Variants in KIF22 observed in about 807,000 individuals in gnomAD.
The protein encoded by KIF22 is kinesin-like protein KIF22.
KIF22 carries 62 observed loss-of-function variants against 73.0 expected under a neutral mutation model. That is an observed-to-expected ratio of 0.85 (90% CI 0.69 to 1.05). The LOEUF (loss-of-function observed/expected upper bound fraction) is 1.05, where lower values mean the gene tolerates loss of function less well. Ranked by LOEUF, KIF22 falls within the 50% of genes least tolerant of loss-of-function variation. The probability of loss-of-function intolerance (pLI) is 0.00; values close to 1 mark genes in which losing one functional copy is unlikely to be tolerated. For synonymous variants in KIF22, 411 were observed against 340.1 expected (o/e 1.21, Z -2.29); for missense variants, 854 against 870.1 (o/e 0.98, Z 0.23).
At chr16:29,790,943 C>T in intron 1 of KIF22, 114 bp downstream of exon 1, 8 of 1,513,894 alleles carry the variant, frequency 5.3e-6, no homozygotes, top group Non-Finnish European at 7.1e-6. Context: ...GGCCATGGCG[C>T]AGGGGCGGGG....
At chr16:29,795,795 A>G (rs1898934811) in intron 1 of KIF22, among the ~76,000 whole-genome samples, 1 of 152,202 alleles carries the variant, frequency 6.6e-6, no homozygotes, top group Non-Finnish European at 1.5e-5. Flanking sequence ...AAACAAAAAA[A>G]ACTTAATCAT....
At chr16:29,804,587 G>T (rs1307886272) in intron 11 of KIF22, 3 of 691,916 alleles carry the variant, frequency 4.3e-6, no homozygotes, top group Non-Finnish European at 7.9e-6. Context: ...AACTCCATGA[G>T]AAGGGTGCTA....
In KIF22 at chr16:29,797,753, G is replaced by A. The variant is rs1898987609; in HGVS notation, c.267-621G>A. Among the ~76,000 whole-genome samples, 1 of 152,112 alleles carries A rather than the reference G, an allele frequency of 6.6e-6. No homozygotes were observed. Among genetic ancestry groups the A allele is most frequent in the Non-Finnish European group, 1.5e-5 (1 of 68,036 alleles). On this transcript the variant is annotated intron_variant, in intron 2 of 13. Coordinates refer to ENST00000160827, the MANE Select transcript of KIF22 (RefSeq NM_007317.3). This position sits in a 1 kb window ranked among gnomAD's most constrained non-coding sequence, Gnocchi z 4.1. ...AGTTTGCTAGCTCCCATACTAGGCC[G>A]TTAACAATTTGGGCTTCAGTTTCTT...
In KIF22 at chr16:29,804,944, A is replaced by T; in HGVS notation, c.1808A>T (p.Asp603Val). 6.2e-7 allele frequency: 1 copy of T among 1,613,538 alleles called. No homozygotes were observed. Among genetic ancestry groups the T allele is most frequent in the Non-Finnish European group, 8.5e-7 (1 of 1,179,950 alleles). Residue 603 changes from aspartate (D) to valine (V), a missense_variant, in exon 12 of 14, where the codon GAT becomes GTT. This residue lies in a region of KIF22 where 423 missense variants were observed against 365.4 expected (regional missense o/e 1.16). Coordinates refer to ENST00000160827, the MANE Select transcript of KIF22 (RefSeq NM_007317.3). ...CTGCTGAACGAAGGCTCAGCCCGAGATCTCCGCAGTCTTCAGCGCATTGGC... is the reference window on the plus strand; with the variant it reads ...CTGCTGAACGAAGGCTCAGCCCGAGTTCTCCGCAGTCTTCAGCGCATTGGC... The part of the protein sequence containing the change: ...LDLLNEGSAR[D>V]LRSLQRIGPK...
chr16:29,800,027 C>T lies in KIF22; in HGVS notation c.1259C>T (p.Ala420Val), dbSNP rs1435911507. ...IGSPEPMAAP[A>V]SASQKLSPLQ... ...AGCCCTGAGCCCATGGCAGCTCCAG[C>T]CTCTGCCTCCCAGAAACTCAGGTGA... The change falls in exon 8 of 14, where the codon GCC becomes GTC. Residue 420 changes from alanine to valine, a missense_variant. By Grantham distance (64) the Ala-to-Val change is moderately conservative. This residue lies in a region of KIF22 where 423 missense variants were observed against 365.4 expected (regional missense o/e 1.16). Coordinates refer to ENST00000160827, the MANE Select transcript of KIF22 (RefSeq NM_007317.3). The T allele has an allele frequency of 6.2e-7, 1 of 1,612,556 alleles. No individual in the cohort carries two copies. Among genetic ancestry groups the T allele is most frequent in the East Asian group, 2.2e-5 (1 of 44,888 alleles).
rs766356873 is a variant in KIF22, at chr16:29,798,685, G to A, written c.487G>A (p.Ala163Thr). 8.7e-6 allele frequency: 14 copies of A among 1,614,070 alleles called. No individual in the cohort carries two copies. In the Admixed American group the frequency reaches 2.2e-4, roughly 25 times the overall value. The change falls in exon 4 of 14, where the codon GCC (alanine) becomes ACC (threonine). Residue 163 changes from alanine to threonine, a missense_variant. Coordinates refer to ENST00000160827, the MANE Select transcript of KIF22 (RefSeq NM_007317.3). The surrounding 1 kb of genome is among the most constrained non-coding windows in gnomAD (Gnocchi z 4.1). ...DLLQLTREEG[A>T]EGRPWALSVT... The stretch of plus-strand genomic sequence containing the variant: ...CCTGCAGCTCACAAGGGAGGAGGGT[G>A]CCGAGGGCCGGCCATGGGCCCTTTC...
In KIF22 at chr16:29,804,849, G is replaced by C. The variant is rs371212098; in HGVS notation, c.1713G>C (p.Lys571Asn). Reference protein sequence around the residue: ...ESLDALEPEEKAEDCWELQIS... With the variant: ...ESLDALEPEENAEDCWELQIS... ...TGGATGCCCTAGAGCCTGAGGAGAA[G>C]GCTGAGGACTGCTGGGAGCTACAGA... is the stretch of plus-strand genomic sequence containing the variant. Residue 571 changes from lysine (K) to asparagine (N), a missense_variant, in exon 12 of 14, where the codon AAG becomes AAC. By Grantham distance (94) the Lys-to-Asn change is moderately conservative. This residue lies in a region of KIF22 where 423 missense variants were observed against 365.4 expected (regional missense o/e 1.16). Coordinates refer to ENST00000160827, the MANE Select transcript of KIF22 (RefSeq NM_007317.3). 1.5e-4 allele frequency: 238 copies of C among 1,613,130 alleles called. No homozygotes were observed. Among genetic ancestry groups the C allele is most frequent in the Non-Finnish European group, 1.9e-4 (229 of 1,179,742 alleles).
rs995476248 is a variant in KIF22 at position 29,792,457 on chromosome 16, T to C, written c.70+1628T>C. 6.2e-6 allele frequency: 6 copies of C among 967,952 alleles called. No individual in the cohort carries two copies. The Admixed American group carries it at 3.1e-4, about 50-fold the overall frequency. The allele number at this position is 967,952 out of a possible 1,614,324, so 60.0% of individuals were successfully genotyped here. A position where few individuals can be genotyped will look rare whatever the true frequency, so the allele number is the denominator to read the frequency against. The stretch of plus-strand genomic sequence containing the variant: ...AGTAGTTTATTCACTAAATCTTAAT[T>C]TTTTTCAGCAAATACTTCTTGAGGG... On this transcript the variant is annotated intron_variant, in intron 1 of 13. Transcript: ENST00000160827.
In KIF22 at chr16:29,804,908, A is replaced by G. The variant is rs774952785; in HGVS notation, c.1772A>G (p.Lys591Arg). 6.8e-6 allele frequency: 11 copies of G among 1,613,812 alleles called. No homozygotes were observed. The South Asian group carries it at 1.2e-4, about 18-fold the overall frequency. The change falls in exon 12 of 14, where the codon AAA becomes AGA. Residue 591 changes from lysine to arginine, a missense_variant. Around this residue, in one of 3 missense-constraint regions of KIF22, gnomAD observed 423 missense variants for 365.4 expected, o/e 1.16. Transcript: ENST00000160827. ...SPELLAHGRQ[K>R]ILDLLNEGSA... ...GAGCTACTGGCTCATGGGCGCCAAAAAATACTGGATCTGCTGAACGAAGGC... is the reference window on the plus strand; with the variant it reads ...GAGCTACTGGCTCATGGGCGCCAAAGAATACTGGATCTGCTGAACGAAGGC...
At chr16:29,804,153 T>A in intron 11 of KIF22, 88 bp downstream of exon 11, 1 of 1,060,752 alleles carries the variant, frequency 9.4e-7, no homozygotes, top group Non-Finnish European at 1.5e-6. Flanking sequence ...GCCTTGGGGT[T>A]AAACGAACTG....
chr16:29,804,116 G>GT, intron 11 of KIF22, 51 bp downstream of exon 11: 1 of 1,460,720 alleles, frequency 6.8e-7, no homozygotes, highest in Admixed American at 1.7e-5. Context: ...AAGTAAGGGG[G>GT]AGTAGGCTCT....
intron 8 of KIF22, among the ~76,000 whole-genome samples, chr16:29,802,539 T>C (rs1196063553): frequency 6.6e-6 from 1 of 151,728 alleles, no homozygotes; most frequent in Non-Finnish European, 1.5e-5. Context: ...GGCAGTGTCT[T>C]AGGTCTCTCA....
rs371843824 is a variant in KIF22 at position 29,798,678 on chromosome 16, G to A, written c.480G>A (p.Glu160=). 9.9e-6 allele frequency: 16 copies of A among 1,614,196 alleles called. No individual in the cohort carries two copies. In the African/African-American group the frequency reaches 2.1e-4, roughly 22 times the overall value. ...TGGACCTCCTGCAGCTCACAAGGGA[G>A]GAGGGTGCCGAGGGCCGGCCATGGG... ...ALMDLLQLTR[E]EGAEGRPWAL... The change falls in exon 4 of 14, where the codon GAG becomes GAA. Residue 160 remains glutamate, a synonymous_variant. Coordinates refer to ENST00000160827, the MANE Select transcript of KIF22 (RefSeq NM_007317.3). This position sits in a 1 kb window ranked among gnomAD's most constrained non-coding sequence, Gnocchi z 4.1.
chr16:29,799,720 T>C lies in KIF22; in HGVS notation c.1083T>C (p.Phe361=). 6.2e-7 allele frequency: 1 copy of C among 1,613,542 alleles called. No individual in the cohort carries two copies. Among genetic ancestry groups the C allele is most frequent in the East Asian group, 2.2e-5 (1 of 44,884 alleles). Residue 361 remains phenylalanine (F), a synonymous_variant, in exon 7 of 14, where the codon TTT becomes TTC. Coordinates refer to ENST00000160827, the MANE Select transcript of KIF22 (RefSeq NM_007317.3). The stretch of plus-strand genomic sequence containing the variant: ...TAGACACAGTCTCCGCACTCAACTT[T>C]GCTGCCAGGTCCAAGGAGGTGATCA... The part of the protein sequence containing the change: ...FYLDTVSALN[F]AARSKEVINR...
In KIF22 at chr16:29,799,686, G is replaced by T; in HGVS notation, c.1049G>T (p.Arg350Leu). 6.2e-7 allele frequency: 1 copy of T among 1,613,916 alleles called. No individual in the cohort carries two copies. The highest frequency in any genetic ancestry group is 1.3e-5 in the African/African-American group (1 of 75,004). The change falls in exon 7 of 14, where the codon CGC becomes CTC. Residue 350 changes from arginine to leucine, a missense_variant. By Grantham distance (102) the Arg-to-Leu change is moderately radical. Coordinates refer to ENST00000160827, the MANE Select transcript of KIF22 (RefSeq NM_007317.3). ...ATTGCCAACATTGCCCCTGAGAGAC[G>T]CTTCTACCTAGACACAGTCTCCGCA... Reference protein sequence around the residue: ...ILIANIAPERRFYLDTVSALN... With the variant: ...ILIANIAPERLFYLDTVSALN...
At position 29,798,184 on chromosome 16, in the gene KIF22, G is replaced by A. The variant is rs1309678535; in HGVS notation, c.267-190G>A. Among the ~76,000 whole-genome samples, 2 of 152,100 alleles carry A rather than the reference G, an allele frequency of 1.3e-5. No homozygotes were observed. Among genetic ancestry groups the A allele is most frequent in the Non-Finnish European group, 2.9e-5 (2 of 68,014 alleles). On this transcript the variant is annotated intron_variant, in intron 2 of 13. Coordinates refer to ENST00000160827, the MANE Select transcript of KIF22 (RefSeq NM_007317.3). The surrounding 1 kb of genome is among the most constrained non-coding windows in gnomAD (Gnocchi z 4.1). ...ATTCCTAACACCAATAGAGAGATGA[G>A]GATGGAGTAGGTGTTAGGTGGATGC...
intron 1 of KIF22, chr16:29,791,109 G>C: frequency 7.4e-7 from 1 of 1,357,652 alleles, no homozygotes; most frequent in Non-Finnish European, 9.5e-7. Context: ...GTGAGCTTCG[G>C]TTTCTTCGTC....
Position 29,803,430 on chromosome 16 carries a change from C to CA in KIF22, c.1450-19_1450-18insA. 1 of 1,613,692 alleles carries CA rather than the reference C, an allele frequency of 6.2e-7. No homozygotes were observed. Among genetic ancestry groups the CA allele is most frequent in the Non-Finnish European group, 8.5e-7 (1 of 1,179,834 alleles). On this transcript the variant is annotated intron_variant, in intron 9 of 13. Transcript: ENST00000160827. ...CTGGAGTTGGGTCTGGATCACATCTCCCTGATCCTTTCCAACAGAGGCTTA... is the reference window on the plus strand; with the variant it reads ...CTGGAGTTGGGTCTGGATCACATCTCACCTGATCCTTTCCAACAGAGGCTTA...
intron 1 of KIF22, 47 bp downstream of exon 1, chr16:29,790,876 T>C (rs761145693): frequency 1.3e-6 from 2 of 1,566,130 alleles, no homozygotes; most frequent in Admixed American, 1.9e-5. Context: ...GTCTGGAGTT[T>C]AGTGGGAGTT....
Sources: gnomAD v4.1 joint callset for allele counts (sites outside exome capture counted in the v4.1 genomes callset) on GRCh38, gnomAD v4.1.1 for gene constraint, gnomAD v4.1.1 regional missense constraint, Gnocchi (gnomAD v3.1) non-coding constraint, MANE v1.5 for transcripts, NCBI Gene and HGNC (gene_info 2026-07-23, HGNC 2026-07-21) for gene names.